The following FASTKD1 variants were observed in gnomAD, a reference collection of about 807,000 sequenced individuals.
The protein encoded by FASTKD1 is FAST kinase domains 1.
FASTKD1 carries 94 observed loss-of-function variants against 90.9 expected under a neutral mutation model. The ratio of observed to expected loss-of-function variants is 1.03; its 90% confidence interval spans 0.88 to 1.23. The LOEUF (loss-of-function observed/expected upper bound fraction) is 1.23, where lower values mean the gene tolerates loss of function less well. FASTKD1 is among the 50% of genes most tolerant of loss of function. The pLI is 0.00. For synonymous variants in FASTKD1, 319 were observed against 345.8 expected (o/e 0.92, Z 0.86); for missense variants, 945 against 993.5 (o/e 0.95, Z 0.66).
At chr2:169,538,689 A>G (rs1178016056) in intron 10 of FASTKD1, among the ~76,000 whole-genome samples, 4 of 151,802 alleles carry the variant, frequency 2.6e-5, no homozygotes, top group African/African-American at 9.7e-5. Flanking sequence ...AAAAAAAAAA[A>G]AAAAAAAATA....
In FASTKD1 at chr2:169,533,083, G is replaced by A. The variant is rs1684562967; in HGVS notation, c.2189-1593C>T. On this transcript the variant is annotated intron_variant, in intron 12 of 14. Transcript: ENST00000453153. ...ACTACCTTCAATCCTTGATCATTGA[G>A]TTCATTATAGTATGCCAAATCTAAC... Among the ~76,000 whole-genome samples, 4 of 151,852 alleles carry A rather than the reference G, an allele frequency of 2.6e-5. No individual in the cohort carries two copies. In the South Asian group the frequency reaches 8.3e-4, roughly 32 times the overall value.
At chr2:169,530,042 A>G (rs1386855689) in intron 14 of FASTKD1, 116 bp from the exon 15 acceptor site, 15 of 733,728 alleles carry the variant, frequency 2.0e-5, no homozygotes, top group East Asian at 2.8e-5. Context: ...ATTAGTTTAC[A>G]TAAGGATAGC....
In FASTKD1 at chr2:169,560,711, G is replaced by C. The variant is rs781655322; in HGVS notation, c.647C>G (p.Thr216Arg). 1.9e-6 allele frequency: 3 copies of C among 1,608,230 alleles called. No individual in the cohort carries two copies. The Admixed American group carries it at 5.1e-5, about 27-fold the overall frequency. The change falls in exon 5 of 15, where the codon ACA (threonine) becomes AGA (arginine). Residue 216 changes from threonine (T) to arginine (R), a missense_variant. Physicochemically the swap from Thr to Arg is moderately conservative, Grantham distance 71. Transcript: ENST00000453153. ...ATCTATGGTGTCAAAAAGAAGTTCT[G>C]TTTTGTTCACCAGTTGTTGTTGAAA... ...RHFQQQLVNK[T>R]ELLFDTIDSS... is the part of the protein sequence containing the mutation.
intron 12 of FASTKD1, 81 bp from the exon 13 acceptor site, chr2:169,531,571 TGCATA>T: frequency 7.3e-6 from 8 of 1,091,648 alleles, no homozygotes; most frequent in Non-Finnish European, 1.0e-5. Flanking sequence ...GAAATATATA[TGCATA>T]TAATATTTGT....
At chr2:169,547,921 T>TTGA (rs1248025602) in intron 7 of FASTKD1, among the ~76,000 whole-genome samples, 3 of 78,796 alleles carry the variant, frequency 3.8e-5, no homozygotes, top group Non-Finnish European at 5.8e-5. Context: ...AAAAAAGAGT[T>TTGA]TGATAAATTC....
intron 7 of FASTKD1, among the ~76,000 whole-genome samples, chr2:169,553,176 TG>T (rs1347396248): frequency 2.0e-5 from 3 of 150,198 alleles, no homozygotes; most frequent in African/African-American, 7.4e-5. Context: ...TACTGCAGCC[TG>T]GGTGACAGGG....
At chr2:169,540,228 T>C in intron 9 of FASTKD1, 49 bp from the exon 10 acceptor site, 2 of 1,438,462 alleles carry the variant, frequency 1.4e-6, no homozygotes, top group Non-Finnish European at 9.4e-7. Context: ...CTCACTTATA[T>C]ATACACTTAT....
rs56157235 is a variant in FASTKD1, at chr2:169,557,387, G to GAA, written c.972-92_972-91dup. The GAA allele has an allele frequency of 9.6e-3, 5,024 of 525,034 alleles. 200 individuals carry two copies. The highest frequency in any genetic ancestry group is 0.086 in the African/African-American group (4,290 of 49,762). The allele number at this position is 525,034 out of a possible 1,614,324, so 32.5% of individuals were successfully genotyped here. A position where few individuals can be genotyped will look rare whatever the true frequency, so the allele number is the denominator to read the frequency against. ...ATAACAGTTCTTGGGTAACAAATAGGAAAAAAAATATAAACAAAAACTGAA... is the reference window on the plus strand; with the variant it reads ...ATAACAGTTCTTGGGTAACAAATAGGAAAAAAAAAATATAAACAAAAACTGAA... On this transcript the variant is annotated intron_variant, in intron 5 of 14. Transcript: ENST00000453153.
chr2:169,560,282 C>G (rs1683517627), intron 5 of FASTKD1, 105 bp downstream of exon 5: 1 of 821,078 alleles, frequency 1.2e-6, no homozygotes, highest in Admixed American at 2.9e-5. Flanking sequence ...CCTTCCACAA[C>G]CTAATAGGGT....
intron 12 of FASTKD1, among the ~76,000 whole-genome samples, chr2:169,536,681 A>G (rs1684735875): frequency 6.6e-6 from 1 of 152,180 alleles, no homozygotes; most frequent in Admixed American, 6.5e-5. Context: ...AAAATTTTAT[A>G]TTGCCATCAA....
chr2:169,556,780 T>A (rs962859745), intron 6 of FASTKD1, among the ~76,000 whole-genome samples: 1 of 152,130 alleles, frequency 6.6e-6, no homozygotes, highest in Non-Finnish European at 1.5e-5. Flanking sequence ...TGAGCCGAGA[T>A]GGCACCACTG....
In FASTKD1 at chr2:169,556,588, T is replaced by C. The variant is rs985571918; in HGVS notation, c.1082+599A>G. Among the ~76,000 whole-genome samples the C allele has an allele frequency of 2.7e-5, 4 of 150,806 alleles. No individual in the cohort carries two copies. In the South Asian group the frequency reaches 6.3e-4, roughly 24 times the overall value. On this transcript the variant is annotated intron_variant, in intron 6 of 14. Transcript: ENST00000453153. Reference sequence around the variant, plus strand: ...CCTGTAATCCCAGCACTCTGGGAGGTTGAGGTGGGTGGATCACTTGAGGTC... The same window carrying C: ...CCTGTAATCCCAGCACTCTGGGAGGCTGAGGTGGGTGGATCACTTGAGGTC...
intron 7 of FASTKD1, among the ~76,000 whole-genome samples, chr2:169,552,485 CTAA>C (rs1685530491): frequency 6.6e-6 from 1 of 152,068 alleles, no homozygotes; most frequent in Non-Finnish European, 1.5e-5. Context: ...TGCCCATTGA[CTAA>C]TAAGTGCATA....
intron 2 of FASTKD1, among the ~76,000 whole-genome samples, chr2:169,570,350 T>A (rs1254527164): frequency 6.6e-6 from 1 of 152,152 alleles, no homozygotes; most frequent in East Asian, 1.9e-4. Context: ...TTTGCTCTCT[T>A]CATTTTTTCT....
At chr2:169,549,370 T>G (rs932697389) in intron 7 of FASTKD1, among the ~76,000 whole-genome samples, 1 of 151,962 alleles carries the variant, frequency 6.6e-6, no homozygotes, top group Non-Finnish European at 1.5e-5. Context: ...GCCACTGCAC[T>G]CCAGCCTGGG....
At chr2:169,538,847 AT>A (rs1684846006) in intron 10 of FASTKD1, among the ~76,000 whole-genome samples, 1 of 152,216 alleles carries the variant, frequency 6.6e-6, no homozygotes, top group African/African-American at 2.4e-5. Context: ...GTAACAGGAT[AT>A]TATGTAGCCA....
chr2:169,533,808 T>A (rs1384809808), intron 12 of FASTKD1, among the ~76,000 whole-genome samples: 1 of 152,186 alleles, frequency 6.6e-6, no homozygotes, highest in Non-Finnish European at 1.5e-5. Context: ...AGTTATAAAC[T>A]GCTATGATCT....
chr2:169,540,341 T>C (rs564573552), intron 9 of FASTKD1, among the ~76,000 whole-genome samples, 162 bp from the exon 10 acceptor site: 2 of 152,312 alleles, frequency 1.3e-5, no homozygotes, highest in South Asian at 4.1e-4. Context: ...TGGTTACCTT[T>C]GGGTGTGAGC....
rs150081030 is a variant in FASTKD1 at position 169,536,407 on chromosome 2, A to AAT, written c.2188+818_2188+819dup. ...CTCTTAAAAAGGACAACATGCAAAA[A>AAT]ATATATATATATATATTAAGGTGTC... On this transcript the variant is annotated intron_variant, in intron 12 of 14. Coordinates refer to ENST00000453153, the MANE Select transcript of FASTKD1 (RefSeq NM_024622.6). 4.8e-3 allele frequency among the ~76,000 whole-genome samples: 727 copies of AAT among 150,350 alleles called. 7 individuals are homozygous for AAT. Among genetic ancestry groups the AAT allele is most frequent in the African/African-American group, 0.016 (641 of 41,158 alleles).
Sources: gnomAD v4.1 joint callset for allele counts (sites outside exome capture counted in the v4.1 genomes callset) on GRCh38, gnomAD v4.1.1 for gene constraint, MANE v1.5 for transcripts, NCBI Gene and HGNC (gene_info 2026-07-23, HGNC 2026-07-21) for gene names.